Variants in CIT observed in about 807,000 individuals in gnomAD.
The protein encoded by CIT is citron rho-interacting serine/threonine kinase.
CIT carries 79 observed loss-of-function variants against 272.7 expected under a neutral mutation model. The observed-to-expected ratio is 0.29, with a 90% CI of 0.24 to 0.35. The LOEUF (loss-of-function observed/expected upper bound fraction) is 0.35. Ranked by LOEUF, CIT falls within the 10% of genes least tolerant of loss-of-function variation. The probability of loss-of-function intolerance (pLI) is 1.00; values close to 1 mark genes in which losing one functional copy is unlikely to be tolerated. For missense variants in CIT, 1,909 were observed against 2,618.3 expected (o/e 0.73, Z 5.91); for synonymous variants, 948 against 995.6 (o/e 0.95, Z 0.90).
intron 7 of CIT, among the ~76,000 whole-genome samples, chr12:119,831,684 A>G (rs1968644023): frequency 6.6e-6 from 1 of 152,172 alleles, no homozygotes; most frequent in Non-Finnish European, 1.5e-5. Context: ...CCTGGCTAAC[A>G]CGGTGAAACC....
intron 9 of CIT, among the ~76,000 whole-genome samples, chr12:119,812,528 C>G (rs2137957616): frequency 6.6e-6 from 1 of 152,060 alleles, no homozygotes; most frequent in South Asian, 2.1e-4. Flanking sequence ...TAAGCTTGAA[C>G]TCCTGGGCTC....
chr12:119,861,574 C>T (rs1950339035), intron 3 of CIT, among the ~76,000 whole-genome samples: 2 of 149,148 alleles, frequency 1.3e-5, no homozygotes, highest in Non-Finnish European at 3.0e-5. Context: ...GCAACAAGAG[C>T]GAAACTCCAT....
chr12:119,788,771 C>T (rs1034872032), intron 10 of CIT, among the ~76,000 whole-genome samples: 2 of 152,326 alleles, frequency 1.3e-5, no homozygotes, highest in Middle Eastern at 3.4e-3. Flanking sequence ...TGCGACAGCC[C>T]TCCTCACCCG....
intron 5 of CIT, among the ~76,000 whole-genome samples, chr12:119,839,022 G>A (rs142935766): frequency 6.6e-6 from 1 of 152,324 alleles, no homozygotes; most frequent in East Asian, 1.9e-4. Flanking sequence ...TAATGGACTT[G>A]CTCTTTTAAA....
intron 13 of CIT, among the ~76,000 whole-genome samples, chr12:119,777,193 T>G (rs1963840172): frequency 6.6e-6 from 1 of 150,974 alleles, no homozygotes; most frequent in Non-Finnish European, 1.5e-5. Flanking sequence ...AGGCAGAGGT[T>G]GCAGTGAGCC....
At chr12:119,776,963 G>C (rs1013193726) in intron 13 of CIT, 121 bp from the exon 14 acceptor site, 41 of 1,114,744 alleles carry the variant, frequency 3.7e-5, no homozygotes, top group Non-Finnish European at 5.2e-5. Context: ...GACTGGCAAA[G>C]AAAAGACCTG....
chr12:119,836,284 T>TAAA lies in CIT; in HGVS notation c.517-2059_517-2057dup, dbSNP rs201559880. Among the ~76,000 whole-genome samples the TAAA allele has an allele frequency of 7.3e-3, 306 of 42,178 alleles. 18 individuals carry two copies. Among genetic ancestry groups the TAAA allele is most frequent in the East Asian group, 0.059 (101 of 1,710 alleles). 27.7% of individuals were successfully genotyped at this position (42,178 alleles called of 152,430 possible). A position where few individuals can be genotyped will look rare whatever the true frequency, so the allele number is the denominator to read the frequency against. ...CCTGGCAACAGAGCGAGACTCCATC[T>TAAA]AAAAAAAAAAAAAAAAAAAAAAAAA... On this transcript the variant is annotated intron_variant, in intron 5 of 47. Transcript: ENST00000392521.
chr12:119,853,575 G>C (rs997842450), intron 4 of CIT, among the ~76,000 whole-genome samples: 3 of 152,062 alleles, frequency 2.0e-5, no homozygotes, highest in Non-Finnish European at 2.9e-5. Flanking sequence ...AAAGTCACAG[G>C]TTTTGATATG....
At position 119,862,836 on chromosome 12, in the gene CIT, A is replaced by G. The variant is rs1186294819; in HGVS notation, c.239-5138T>C. Among the ~76,000 whole-genome samples, 4 of 137,134 alleles carry G rather than the reference A, an allele frequency of 2.9e-5. No homozygotes were observed. The East Asian group carries it at 6.2e-4, about 21-fold the overall frequency. The allele number at this position is 137,134 out of a possible 152,430, so 90.0% of individuals were successfully genotyped here. Reference sequence around the variant, plus strand: ...AAAAAAAAAAAAAAAAAAAAAAAAAAAAAAGAAAAAACCAAAAAAAAAAAC... The same window carrying G: ...AAAAAAAAAAAAAAAAAAAAAAAAAGAAAAGAAAAAACCAAAAAAAAAAAC... On this transcript the variant is annotated intron_variant, in intron 3 of 47. Transcript: ENST00000392521.
At position 119,690,440 on chromosome 12, in the gene CIT, C is replaced by T. The variant is rs1955875980; in HGVS notation, c.5897G>A (p.Arg1966Gln). 2 of 1,589,620 alleles carry T rather than the reference C, an allele frequency of 1.3e-6. No individual in the cohort carries two copies. The highest frequency in any genetic ancestry group is 1.7e-6 in the Non-Finnish European group (2 of 1,175,258). ...GTGCTCGTTGTACGTGGGTGGGCCT[C>T]GCTTGTTGGGGCTGCTGGCGACACA... is the stretch of plus-strand genomic sequence containing the variant. ...PSTSRSSPNK[R>Q]GPPTYNEHIT... is the part of the protein sequence containing the mutation. Residue 1966 changes from arginine (R) to glutamine (Q), a missense_variant, in exon 47 of 48, where the codon CGA (arginine) becomes CAA (glutamine). By Grantham distance (43) the Arg-to-Gln change is conservative. Transcript: ENST00000392521. This position sits in a 1 kb window ranked among gnomAD's most constrained non-coding sequence, Gnocchi z 6.0.
rs141764011 is a variant in CIT, at chr12:119,724,013, G to A, written c.3592-2564C>T. On this transcript the variant is annotated intron_variant, in intron 28 of 47. Coordinates refer to ENST00000392521, the MANE Select transcript of CIT (RefSeq NM_001206999.2). ...TTCACTTAAAAAAGAGAAGGTGGCC[G>A]GGTGCAGTGGCTCACTCTTATAATC... Among the ~76,000 whole-genome samples, 395 of 152,218 alleles carry A rather than the reference G, an allele frequency of 2.6e-3. 4 individuals carry two copies. The highest frequency in any genetic ancestry group is 7.6e-3 in the African/African-American group (315 of 41,528).
intron 10 of CIT, among the ~76,000 whole-genome samples, chr12:119,796,896 T>A (rs1965777393): frequency 1.3e-5 from 2 of 152,200 alleles, no homozygotes; most frequent in South Asian, 4.1e-4. Context: ...ATTAATGGTA[T>A]CACGTGGTGA....
At chr12:119,815,824 A>G (rs556929725) in intron 9 of CIT, among the ~76,000 whole-genome samples, 2 of 152,192 alleles carry the variant, frequency 1.3e-5, no homozygotes, top group African/African-American at 2.4e-5. Flanking sequence ...AGAAACTGAC[A>G]ATAGTGGTTC....
intron 10 of CIT, among the ~76,000 whole-genome samples, chr12:119,790,215 A>G (rs1311533724): frequency 1.3e-5 from 2 of 152,102 alleles, no homozygotes; most frequent in African/African-American, 4.8e-5. Flanking sequence ...CATACATATT[A>G]TCACATATAT....
At chr12:119,801,430 C>T (rs146630569) in intron 10 of CIT, among the ~76,000 whole-genome samples, 271 of 152,294 alleles carry the variant, frequency 1.8e-3, no homozygotes, top group African/African-American at 5.7e-3. Context: ...TCACACACTG[C>T]TTCAGATTAA....
chr12:119,727,652 C>T (rs1322635773), intron 28 of CIT, among the ~76,000 whole-genome samples: 1 of 152,260 alleles, frequency 6.6e-6, no homozygotes, highest in East Asian at 1.9e-4. Context: ...AGGCAGGGCA[C>T]GGGGACTCAT....
chr12:119,819,096 G>A (rs1302821802), intron 9 of CIT, among the ~76,000 whole-genome samples: 1 of 152,146 alleles, frequency 6.6e-6, no homozygotes, highest in Admixed American at 6.5e-5. Flanking sequence ...TGCACAACCA[G>A]GGCAGCTGGT....
At position 119,815,105 on chromosome 12, in the gene CIT, A is replaced by AAC. The variant is rs3858712; in HGVS notation, c.1111+7713_1111+7714dup. 8.3e-3 allele frequency among the ~76,000 whole-genome samples: 1,185 copies of AAC among 143,154 alleles called. 3 individuals carry two copies. Among genetic ancestry groups the AAC allele is most frequent in the African/African-American group, 9.5e-3 (364 of 38,274 alleles). The allele number at this position is 143,154 out of a possible 152,430, so 93.9% of individuals were successfully genotyped here. A position where few individuals can be genotyped will look rare whatever the true frequency, so the allele number is the denominator to read the frequency against. On this transcript the variant is annotated intron_variant, in intron 9 of 47. Coordinates refer to ENST00000392521, the MANE Select transcript of CIT (RefSeq NM_001206999.2). ...TCACATACCACACACACACACACAC[A>AAC]ACACACACACACACACACACACACA...
chr12:119,829,402 A>AAGAGAAGAGC lies in CIT; in HGVS notation c.753+3368_753+3369insGCTCTTCTCT, dbSNP rs1195057367. Reference sequence around the variant, plus strand: ...AAGAGAAGAGAAGAGAAGAGAAGAGAAGAGCTTACAAATAAAACTATTTAA... The same window carrying AAGAGAAGAGC: ...AAGAGAAGAGAAGAGAAGAGAAGAGAAGAGAAGAGCAGAGCTTACAAATAAAACTATTTAA... On this transcript the variant is annotated intron_variant, in intron 7 of 47. Transcript: ENST00000392521. Among the ~76,000 whole-genome samples the AAGAGAAGAGC allele has an allele frequency of 4.0e-3, 599 of 150,268 alleles. 9 individuals carry two copies. Among genetic ancestry groups the AAGAGAAGAGC allele is most frequent in the African/African-American group, 0.014 (558 of 40,920 alleles).
Sources: allele counts gnomAD v4.1 joint callset (sites outside exome capture counted in the v4.1 genomes callset), GRCh38; gene constraint gnomAD v4.1.1; non-coding constraint Gnocchi (gnomAD v3.1); transcripts MANE v1.5; gene names NCBI Gene and HGNC (gene_info 2026-07-23, HGNC 2026-07-21).